The following DPP6 variants were observed in gnomAD, a reference collection of about 807,000 sequenced individuals.
DPP6 encodes the protein A-type potassium channel modulatory protein DPP6.
A neutral mutation model predicts 122.6 loss-of-function variants in DPP6; 69 were observed. The observed-to-expected ratio is 0.56, with a 90% CI of 0.46 to 0.69. The LOEUF is 0.69. Among genes scored for constraint, DPP6 ranks in the 30% least tolerant of loss-of-function variants. The probability of loss-of-function intolerance (pLI) is 0.00; values close to 1 mark genes in which losing one functional copy is unlikely to be tolerated. For missense variants in DPP6, 928 were observed against 1,116.9 expected, an observed-to-expected ratio of 0.83 and a Z score of 2.41; for synonymous variants, 418 against 433.1, an observed-to-expected ratio of 0.97 and a Z score of 0.43.
intron 1 of DPP6, among the ~76,000 whole-genome samples, chr7:154,394,501 A>ATG (rs1814908745): frequency 6.6e-6 from 1 of 151,688 alleles, no homozygotes; most frequent in Non-Finnish European, 1.5e-5. Flanking sequence ...ACATATATAT[A>ATG]TATGAATTGC....
At chr7:153,906,852 G>T (rs919173699) in intron 1 of DPP6, among the ~76,000 whole-genome samples, 1 of 152,108 alleles carries the variant, frequency 6.6e-6, no homozygotes, top group Non-Finnish European at 1.5e-5. Context: ...TCATATGGCC[G>T]AGTAGTATTC....
chr7:154,693,700 A>G (rs966010306), intron 7 of DPP6, among the ~76,000 whole-genome samples: 33 of 152,164 alleles, frequency 2.2e-4, no homozygotes, highest in African/African-American at 8.0e-4. Context: ...AGATCTGTTC[A>G]TTGGTGTAAA....
At chr7:154,803,814 G>A (rs1798525077) in intron 13 of DPP6, 50 bp from the exon 14 acceptor site, 3 of 1,587,388 alleles carry the variant, frequency 1.9e-6, no homozygotes, top group Middle Eastern at 1.7e-4. Context: ...GAGCCATGCT[G>A]GGGCCGGGAC....
chr7:154,122,068 G>T (rs1399665673), intron 1 of DPP6, among the ~76,000 whole-genome samples: 1 of 152,184 alleles, frequency 6.6e-6, no homozygotes. Flanking sequence ...GTACAATTGA[G>T]AAATTTGCAT....
At chr7:153,750,631 G>GTA in the DPP6 span, among the ~76,000 whole-genome samples, 4 of 134,912 alleles carry the variant, frequency 3.0e-5, no homozygotes, top group South Asian at 1.1e-3. Flanking sequence ...TACCTATCAG[G>GTA]TGTCCAACAA....
At chr7:154,267,453 G>A (rs1312526874) in intron 1 of DPP6, among the ~76,000 whole-genome samples, 1 of 146,956 alleles carries the variant, frequency 6.8e-6, no homozygotes, top group Non-Finnish European at 1.5e-5. Flanking sequence ...TATATAATGT[G>A]TGTATATATT....
chr7:154,876,681 C>A (rs1804892110), intron 20 of DPP6, among the ~76,000 whole-genome samples: 1 of 152,196 alleles, frequency 6.6e-6, no homozygotes, highest in South Asian at 2.1e-4. Context: ...GGAGGCTTAG[C>A]ACCAAGGGGC....
At position 154,833,692 on chromosome 7, in the gene DPP6, T is replaced by C. The variant is rs1266701432; in HGVS notation, c.1667-20088T>C. On this transcript the variant is annotated intron_variant, in intron 16 of 25. Coordinates refer to ENST00000377770, the MANE Select transcript of DPP6 (RefSeq NM_130797.4). This position sits in a 1 kb window ranked among gnomAD's most constrained non-coding sequence, Gnocchi z 4.3. ...TCATATGGGGAGAATTCACCTCTTG[T>C]TTCCGATGCCTGGCAACATAAATTC... 6.6e-6 allele frequency among the ~76,000 whole-genome samples: 1 copy of C among 152,180 alleles called. No individual in the cohort carries two copies. Among genetic ancestry groups the C allele is most frequent in the Admixed American group, 6.5e-5 (1 of 15,274 alleles).
At chr7:154,817,586 G>A (rs376124023) in intron 16 of DPP6, among the ~76,000 whole-genome samples, 7 of 152,078 alleles carry the variant, frequency 4.6e-5, no homozygotes, top group East Asian at 1.9e-4. Context: ...TCGATGTTAC[G>A]AATATCATGA....
intron 6 of DPP6, among the ~76,000 whole-genome samples, chr7:154,654,531 G>A (rs982575492): frequency 2.0e-5 from 3 of 151,616 alleles, no homozygotes; most frequent in Non-Finnish European, 2.9e-5. Context: ...CGATTCTCCT[G>A]CCTCAGCCTC....
rs1463666851 is a variant in DPP6, at chr7:154,063,664, A to G, written c.243+10601A>G. 5.2e-5 allele frequency among the ~76,000 whole-genome samples: 7 copies of G among 134,234 alleles called. 2 individuals carry two copies. The highest frequency in any genetic ancestry group is 1.1e-4 in the Non-Finnish European group (7 of 62,192). The allele number at this position is 134,234 out of a possible 152,430, so 88.1% of individuals were successfully genotyped here. On this transcript the variant is annotated intron_variant, in intron 1 of 25. Coordinates refer to ENST00000377770, the MANE Select transcript of DPP6 (RefSeq NM_130797.4). ...ACTCCCTCTTCCCCCTCTGGCGCTTAGGACCCCCATCCCAGCGGGGGGAGG... is the reference window on the plus strand; with the variant it reads ...ACTCCCTCTTCCCCCTCTGGCGCTTGGGACCCCCATCCCAGCGGGGGGAGG...
intron 5 of DPP6, among the ~76,000 whole-genome samples, chr7:154,621,379 T>A (rs1834641640): frequency 6.6e-6 from 1 of 152,214 alleles, no homozygotes; most frequent in Non-Finnish European, 1.5e-5. Context: ...ATTTACTTAT[T>A]TATTTTTGAG....
intron 1 of DPP6, among the ~76,000 whole-genome samples, chr7:154,370,998 C>T (rs1812603539): frequency 6.6e-6 from 1 of 152,160 alleles, no homozygotes; most frequent in African/African-American, 2.4e-5. Flanking sequence ...AGTTTTGGAA[C>T]CCTCTGTTTG....
At chr7:154,509,682 T>G (rs909277581) in intron 3 of DPP6, among the ~76,000 whole-genome samples, 1 of 152,186 alleles carries the variant, frequency 6.6e-6, no homozygotes, top group Non-Finnish European at 1.5e-5. Context: ...ACACTAATGT[T>G]TGTAATAATA....
intron 3 of DPP6, among the ~76,000 whole-genome samples, chr7:154,530,677 A>C (rs1827771510): frequency 6.6e-6 from 1 of 152,238 alleles, no homozygotes; most frequent in South Asian, 2.1e-4. Flanking sequence ...TTCTAGTATA[A>C]AGATATGTAC....
At position 154,231,775 on chromosome 7, in the gene DPP6, G is replaced by C. The variant is rs570420742; in HGVS notation, c.243+178712G>C. ...TTCAGTGACTGATTACAGCCTAAAG[G>C]CTCCAGGAAACAGCCACCACTGCGG... On this transcript the variant is annotated intron_variant, in intron 1 of 25. Coordinates refer to ENST00000377770, the MANE Select transcript of DPP6 (RefSeq NM_130797.4). Among the ~76,000 whole-genome samples the C allele has an allele frequency of 1.6e-3, 243 of 152,302 alleles. 1 individual carries two copies. The highest frequency in any genetic ancestry group is 3.0e-3 in the Non-Finnish European group (206 of 68,028).
the DPP6 span, among the ~76,000 whole-genome samples, chr7:153,780,672 A>C: frequency 6.6e-6 from 1 of 152,118 alleles, no homozygotes. Flanking sequence ...AATAACCCTG[A>C]GCATATGGGG....
At chr7:154,388,679 G>A (rs1814337851) in intron 1 of DPP6, among the ~76,000 whole-genome samples, 1 of 152,136 alleles carries the variant, frequency 6.6e-6, no homozygotes, top group Non-Finnish European at 1.5e-5. Flanking sequence ...GGAGCTGGAG[G>A]GCATGAGGGT....
intron 5 of DPP6, among the ~76,000 whole-genome samples, chr7:154,576,673 G>A (rs1831696574): frequency 6.6e-6 from 1 of 152,118 alleles, no homozygotes; most frequent in African/African-American, 2.4e-5. Flanking sequence ...AGCGGTCTCA[G>A]CAGGCCGGGC....
Sources: allele counts gnomAD v4.1 joint callset (sites outside exome capture counted in the v4.1 genomes callset), GRCh38; gene constraint gnomAD v4.1.1; non-coding constraint Gnocchi (gnomAD v3.1); transcripts MANE v1.5; gene names NCBI Gene and HGNC (gene_info 2026-07-23, HGNC 2026-07-21).